Variants in MYOM2 observed in about 807,000 individuals in gnomAD.
MYOM2 encodes the protein myomesin 2, also known as myomesin-2.
MYOM2 carries 254 observed loss-of-function variants against 187.6 expected under a neutral mutation model. The ratio of observed to expected loss-of-function variants is 1.35; its 90% confidence interval spans 1.22 to 1.50. The LOEUF is 1.50. Ranked by LOEUF, MYOM2 falls within the 40% of genes most tolerant of loss-of-function variation. The pLI, the probability that MYOM2 is intolerant of heterozygous loss-of-function variation, is 0.00. For synonymous variants in MYOM2, 981 were observed against 753.8 expected, an observed-to-expected ratio of 1.30 and a Z score of -4.94; for missense variants, 2,796 against 1,924.0, an observed-to-expected ratio of 1.45 and a Z score of -8.48.
intron 6 of MYOM2, among the ~76,000 whole-genome samples, chr8:2,061,489 C>T (rs761866666): frequency 2.0e-5 from 3 of 152,178 alleles, no homozygotes; most frequent in African/African-American, 4.8e-5. Context: ...CTCCTGTTCC[C>T]GACTCTACCT....
At chr8:2,060,718 C>A (rs1343159971) in intron 6 of MYOM2, among the ~76,000 whole-genome samples, 1 of 149,894 alleles carries the variant, frequency 6.7e-6, no homozygotes, top group Non-Finnish European at 1.5e-5. Context: ...TCCCCAGAAG[C>A]CTGCTTGGAA....
intron 17 of MYOM2, among the ~76,000 whole-genome samples, chr8:2,095,380 C>G (rs1326040926): frequency 1.3e-5 from 2 of 151,190 alleles, no homozygotes; most frequent in African/African-American, 4.9e-5. Context: ...CAGCCTTGAG[C>G]TTTTGGGCTC....
At chr8:2,118,064 T>C (rs1304805414) in intron 28 of MYOM2, 112 bp downstream of exon 28, 3 of 899,418 alleles carry the variant, frequency 3.3e-6, no homozygotes, top group Non-Finnish European at 3.5e-6. Flanking sequence ...AGGAAACGTG[T>C]GGTGCCTGTG....
rs145819260 is a variant in MYOM2 at position 2,057,402 on chromosome 8, C to T, written c.318C>T (p.Ser106=). The stretch of plus-strand genomic sequence containing the variant: ...AGGCCAAGCGACAGCGCTTCCTCAG[C>T]GAGCTGGCCCACTTGGAGGAGGATG... The part of the protein sequence containing the change: ...YGEAKRQRFL[S]ELAHLEEDVH... The change falls in exon 4 of 37, where the codon AGC becomes AGT. Residue 106 remains serine, a synonymous_variant. Coordinates refer to ENST00000262113, the MANE Select transcript of MYOM2 (RefSeq NM_003970.4). 1.9e-5 allele frequency: 31 copies of T among 1,613,780 alleles called. No individual in the cohort carries two copies. Among genetic ancestry groups the T allele is most frequent in the Non-Finnish European group, 2.2e-5 (26 of 1,179,952 alleles).
At position 2,144,951 on chromosome 8, in the gene MYOM2, C is replaced by A. The variant is rs1307488492; in HGVS notation, c.4368C>A (p.Ile1456=). ...APPQQAKPKL[I]PASASAAGQ is the part of the protein sequence containing the mutation. ...CCCAGCAAGCCAAGCCCAAGCTCAT[C>A]CCCGCGTCTGCCTCAGCGGCAGGCC... Residue 1456 remains isoleucine, a synonymous_variant, in exon 37 of 37, where the codon ATC becomes ATA. Coordinates refer to ENST00000262113, the MANE Select transcript of MYOM2 (RefSeq NM_003970.4). 3.7e-6 allele frequency: 6 copies of A among 1,614,072 alleles called. No homozygotes were observed. In the African/African-American group the frequency reaches 5.3e-5, roughly 14 times the overall value.
chr8:2,072,360 T>C lies in MYOM2; in HGVS notation c.809T>C (p.Met270Thr). 2 of 1,613,476 alleles carry C rather than the reference T, an allele frequency of 1.2e-6. No homozygotes were observed. Among genetic ancestry groups the C allele is most frequent in the Non-Finnish European group, 1.7e-6 (2 of 1,179,490 alleles). Residue 270 changes from methionine to threonine, a missense_variant, in exon 9 of 37, where the codon ATG (methionine) becomes ACG (threonine). Transcript: ENST00000262113. The stretch of plus-strand genomic sequence containing the variant: ...TTCTGTGCAGTGCCCCTGTCATCGA[T>C]GATTCCGTACACGCACTTCGACGTC... ...GLPIGLPLSSMIPYTHFDVQF... is the reference protein window; with the variant it reads ...GLPIGLPLSSTIPYTHFDVQF...
intron 10 of MYOM2, among the ~76,000 whole-genome samples, chr8:2,073,989 C>T (rs535673463): frequency 2.0e-5 from 3 of 152,260 alleles, no homozygotes; most frequent in South Asian, 2.1e-4. Context: ...CAGTGAAACT[C>T]GTGCTTAAGA....
At chr8:2,083,798 G>C (rs1468107663) in intron 13 of MYOM2, among the ~76,000 whole-genome samples, 1 of 152,224 alleles carries the variant, frequency 6.6e-6, no homozygotes, top group East Asian at 1.9e-4. Context: ...AAGATGTGAA[G>C]AATAAGTCAG....
chr8:2,129,911 C>G (rs1183384388), intron 32 of MYOM2, among the ~76,000 whole-genome samples: 2 of 152,156 alleles, frequency 1.3e-5, no homozygotes, highest in Non-Finnish European at 2.9e-5. Context: ...TCACCAACCC[C>G]TATAGATATC....
chr8:2,137,640 A>G (rs1367895017), intron 32 of MYOM2, among the ~76,000 whole-genome samples: 2 of 152,060 alleles, frequency 1.3e-5, no homozygotes, highest in Non-Finnish European at 2.9e-5. Flanking sequence ...CAAGATGACT[A>G]AGGCCTATCA....
chr8:2,067,110 A>G (rs987568789), intron 6 of MYOM2, among the ~76,000 whole-genome samples: 1 of 152,214 alleles, frequency 6.6e-6, no homozygotes, highest in Non-Finnish European at 1.5e-5. Context: ...CTCAGTAGAT[A>G]GCACAGTTCT....
chr8:2,065,427 G>T (rs1324588383), intron 6 of MYOM2, among the ~76,000 whole-genome samples: 2 of 152,070 alleles, frequency 1.3e-5, no homozygotes, highest in African/African-American at 4.8e-5. Context: ...AAAATTAGCT[G>T]GGTGTGGTGG....
At chr8:2,069,893 G>A (rs558911078) in intron 8 of MYOM2, among the ~76,000 whole-genome samples, 1 of 152,298 alleles carries the variant, frequency 6.6e-6, no homozygotes, top group Admixed American at 6.5e-5. Flanking sequence ...AATGCATCAT[G>A]TTGCTGTTTC....
intron 13 of MYOM2, among the ~76,000 whole-genome samples, chr8:2,083,893 C>G (rs1819719984): frequency 6.6e-6 from 1 of 152,236 alleles, no homozygotes; most frequent in Non-Finnish European, 1.5e-5. Context: ...GTCTCTCACT[C>G]CACTTTCTCG....
intron 32 of MYOM2, among the ~76,000 whole-genome samples, chr8:2,130,227 T>A (rs1797812692): frequency 1.5e-5 from 2 of 136,778 alleles, no homozygotes; most frequent in African/African-American, 3.1e-5. Flanking sequence ...GTCAGTACCG[T>A]ATACCCAGGG....
At chr8:2,086,488 TGTGGCCCCCCACTGTCGTGATCTCTGC>T (rs1162919090) in intron 14 of MYOM2, among the ~76,000 whole-genome samples, 103 of 61,068 alleles carry the variant, frequency 1.7e-3, no homozygotes, top group African/African-American at 5.2e-3. Context: ...ATGATCTCTG[TGTGGCCCCCCACTGTCGTGATCTCTGC>T]GTGGCCCCAC....
chr8:2,090,068 A>C lies in MYOM2; in HGVS notation c.1705A>C (p.Arg569=), dbSNP rs1341387653. 6.2e-7 allele frequency: 1 copy of C among 1,613,920 alleles called. No individual in the cohort carries two copies. Among genetic ancestry groups the C allele is most frequent in the Non-Finnish European group, 8.5e-7 (1 of 1,180,020 alleles). ...CGCCCAGACGGCTGTGAGATCCCCG[A>C]GATATGCCGTGTTTGACCTCATGGA... is the stretch of plus-strand genomic sequence containing the variant. The part of the protein sequence containing the change: ...VNAQTAVRSP[R]YAVFDLMEGK... Residue 569 remains arginine (R), a synonymous_variant, in exon 15 of 37, where the codon AGA becomes CGA. Transcript: ENST00000262113.
chr8:2,107,131 A>G (rs1337381202), intron 23 of MYOM2, among the ~76,000 whole-genome samples: 1 of 152,200 alleles, frequency 6.6e-6, no homozygotes, highest in Non-Finnish European at 1.5e-5. Context: ...ATAGGTTCAC[A>G]GGTCTGAGTT....
At position 2,106,696 on chromosome 8, in the gene MYOM2, G is replaced by A. The variant is rs1430674019; in HGVS notation, c.2998+99G>A. The stretch of plus-strand genomic sequence containing the variant: ...AGACTTACTTGCTTAGAAAAAAGAC[G>A]TATGTTTGCAGGAGGCTGGCGGTGG... On this transcript the variant is annotated intron_variant, in intron 23 of 36. Transcript: ENST00000262113. 18 of 888,204 alleles carry A rather than the reference G, an allele frequency of 2.0e-5. No homozygotes were observed. In the East Asian group the frequency reaches 2.1e-4, roughly 11 times the overall value. 55.0% of individuals were successfully genotyped at this position (888,204 alleles called of 1,614,324 possible). A position where few individuals can be genotyped will look rare whatever the true frequency, so the allele number is the denominator to read the frequency against.
Sources: gnomAD v4.1 joint callset for allele counts (sites outside exome capture counted in the v4.1 genomes callset) on GRCh38, gnomAD v4.1.1 for gene constraint, MANE v1.5 for transcripts, NCBI Gene and HGNC (gene_info 2026-07-23, HGNC 2026-07-21) for gene names.